CASP10: variants seen among roughly 807,000 people sequenced by gnomAD.
The protein encoded by CASP10 is caspase-10.
A neutral mutation model predicts 48.5 loss-of-function variants in CASP10; 41 were observed. The ratio of observed to expected loss-of-function variants is 0.85; its 90% CI spans 0.66 to 1.10. The LOEUF (loss-of-function observed/expected upper bound fraction) is 1.10. Ranked by LOEUF, CASP10 falls within the 50% of genes least tolerant of loss-of-function variation. The probability of loss-of-function intolerance (pLI) is 0.00; values close to 1 mark genes in which losing one functional copy is unlikely to be tolerated. For missense variants in CASP10, 614 were observed against 614.5 expected, an observed-to-expected ratio of 1.00 and a Z score of 0.01; for synonymous variants, 232 against 238.4, an observed-to-expected ratio of 0.97 and a Z score of 0.25.
intron 3 of CASP10, among the ~76,000 whole-genome samples, chr2:201,192,012 A>G (rs1944628839): frequency 6.6e-6 from 1 of 152,246 alleles, no homozygotes; most frequent in South Asian, 2.1e-4. Flanking sequence ...TAAACATCTA[A>G]TAAACTTTTA....
chr2:201,206,458 A>G (rs1370710909), intron 7 of CASP10, among the ~76,000 whole-genome samples: 1 of 150,332 alleles, frequency 6.7e-6, no homozygotes, highest in Non-Finnish European at 1.5e-5. Context: ...TATATATTGA[A>G]TTTTAAAAAT....
intron 9 of CASP10, chr2:201,228,813 A>C (rs1336957305): frequency 8.9e-6 from 7 of 789,910 alleles, no homozygotes; most frequent in Non-Finnish European, 1.5e-5. Flanking sequence ...TCATTCTGCC[A>C]GGAATTGAAA....
In CASP10 at chr2:201,219,151, TC is replaced by T; in HGVS notation, c.*1413del. 1 of 223,970 alleles carries T rather than the reference TC, an allele frequency of 4.5e-6. No individual in the cohort carries two copies. The highest frequency in any genetic ancestry group is 7.5e-6 in the Non-Finnish European group (1 of 133,848). The allele number at this position is 223,970 out of a possible 1,614,324, so 13.9% of individuals were successfully genotyped here. On this transcript the variant is annotated 3_prime_UTR_variant, in exon 10 of 10. Coordinates refer to ENST00000286186, the MANE Select transcript of CASP10 (RefSeq NM_032977.4). ...CAGGTGTGGCGGCGAGCACCTGTAA[TC>T]CCAGCTACTCGGGAGGCTGAGACAG...
chr2:201,190,555 G>T (rs1260414549), intron 3 of CASP10, among the ~76,000 whole-genome samples: 1 of 152,026 alleles, frequency 6.6e-6, no homozygotes, highest in African/African-American at 2.4e-5. Flanking sequence ...GCTCCAGGTG[G>T]TTTTCATAAC....
chr2:201,209,170 C>A lies in CASP10; in HGVS notation c.1023C>A (p.Cys341Ter), dbSNP rs114098515. 5 of 1,612,186 alleles carry A rather than the reference C, an allele frequency of 3.1e-6. No individual in the cohort carries two copies. The highest frequency in any genetic ancestry group is 4.2e-6 in the Non-Finnish European group (5 of 1,178,894). ...AGATGGTCCTGCAGAAGCAGAAGTG[C>A]AATCCAGCCCATGCCGACGGGGACT... ...EMEMVLQKQK[C>*]NPAHADGDCF... Residue 341 changes from cysteine to a stop codon, truncating the protein, a stop_gained, in exon 9 of 10, where the codon TGC becomes TGA. Transcript: ENST00000286186. LOFTEE classifies it high-confidence loss of function.
intron 5 of CASP10, among the ~76,000 whole-genome samples, chr2:201,198,016 T>C (rs1288891315): frequency 6.6e-6 from 1 of 152,188 alleles, no homozygotes; most frequent in African/African-American, 2.4e-5. Context: ...CCAAGACGTA[T>C]TATTCTCTTT....
intron 9 of CASP10, among the ~76,000 whole-genome samples, chr2:201,209,888 C>T (rs1366656218): frequency 1.3e-5 from 2 of 152,172 alleles, no homozygotes; most frequent in African/African-American, 4.8e-5. Context: ...CCTCAGGTTG[C>T]TTACAAGCTA....
intron 4 of CASP10, among the ~76,000 whole-genome samples, chr2:201,194,089 G>T (rs937623704): frequency 3.1e-5 from 1 of 32,418 alleles, no homozygotes; most frequent in Non-Finnish European, 7.4e-5. Flanking sequence ...TTATTTTCTT[G>T]TGTGTGTGTG....
chr2:201,224,482 G>T (rs765967530), downstream of CASP10, among the ~76,000 whole-genome samples: 1 of 152,070 alleles, frequency 6.6e-6, no homozygotes, highest in Non-Finnish European at 1.5e-5. Flanking sequence ...AAGTAATTTT[G>T]AGTAGGTAAT....
At position 201,217,711 on chromosome 2, in the gene CASP10, C is replaced by A; in HGVS notation, c.1539C>A (p.Phe513Leu). The A allele has an allele frequency of 6.2e-7, 1 of 1,613,978 alleles. No homozygotes were observed. Among genetic ancestry groups the A allele is most frequent in the Non-Finnish European group, 8.5e-7 (1 of 1,179,882 alleles). Residue 513 changes from phenylalanine (F) to leucine (L), a missense_variant, in exon 10 of 10, where the codon TTC (phenylalanine) becomes TTA (leucine). Physicochemically the swap from Phe to Leu is conservative, Grantham distance 22 (BLOSUM62 0). Transcript: ENST00000286186. ...PAFTLRKKLVFPVPLDALSL is the reference protein window; with the variant it reads ...PAFTLRKKLVLPVPLDALSL ...TCACACTAAGGAAAAAACTAGTATT[C>A]CCTGTGCCCCTGGATGCACTTTCAT...
chr2:201,186,132 C>CG lies in CASP10; in HGVS notation c.347+11dup. ...AAGGGTTTCTCTGTTTAGGTGAGGA[C>CG]GGGTCTGTGGTGGAGATGGGAGGAT... On this transcript the variant is annotated intron_variant, in intron 2 of 9. Transcript: ENST00000286186. 6.2e-7 allele frequency: 1 copy of CG among 1,603,644 alleles called. No homozygotes were observed. The highest frequency in any genetic ancestry group is 8.5e-7 in the Non-Finnish European group (1 of 1,172,690).
intron 4 of CASP10, among the ~76,000 whole-genome samples, chr2:201,194,784 A>G (rs1944731439): frequency 6.6e-6 from 1 of 151,816 alleles, no homozygotes; most frequent in Admixed American, 6.6e-5. Flanking sequence ...TGTTTTTTTT[A>G]TTTTTATTTT....
At chr2:201,224,959 C>T (rs145518562), downstream of CASP10, among the ~76,000 whole-genome samples, 31 of 152,052 alleles carry the variant, frequency 2.0e-4, no homozygotes, top group East Asian at 1.5e-3. Flanking sequence ...CAGATTTTTC[C>T]CCACCCTTTT....
chr2:201,206,740 T>C (rs1171482583), intron 7 of CASP10, among the ~76,000 whole-genome samples: 4 of 151,750 alleles, frequency 2.6e-5, no homozygotes, highest in African/African-American at 9.7e-5. Context: ...CCATGCCAGC[T>C]TGTATATTAT....
At position 201,220,887 on chromosome 2, in the gene CASP10, G is replaced by C. The variant is rs1021533457; in HGVS notation, c.*3146G>C. On this transcript the variant is annotated 3_prime_UTR_variant, in exon 10 of 10. Coordinates refer to ENST00000286186, the MANE Select transcript of CASP10 (RefSeq NM_032977.4). ...CTGAGGAAAGAGCAAAGGATCTGGA[G>C]ATCAAAGCCCTGCATTTCCATTTTG... 1.0e-5 allele frequency: 10 copies of C among 985,344 alleles called. No homozygotes were observed. In the African/African-American group the frequency reaches 1.4e-4, roughly 14 times the overall value. 61.0% of individuals were successfully genotyped at this position (985,344 alleles called of 1,614,324 possible). A position where few individuals can be genotyped will look rare whatever the true frequency, so the allele number is the denominator to read the frequency against.
At chr2:201,228,491 G>A (rs911378833) in intron 9 of CASP10, among the ~76,000 whole-genome samples, 1 of 152,200 alleles carries the variant, frequency 6.6e-6, no homozygotes, top group African/African-American at 2.4e-5. Flanking sequence ...TTGGCCTGGG[G>A]CTTCTTGCTG....
At chr2:201,222,798 A>G (rs1194743402), downstream of CASP10, among the ~76,000 whole-genome samples, 1 of 152,188 alleles carries the variant, frequency 6.6e-6, no homozygotes. Context: ...GTATAACACA[A>G]TGGTTAAGGT....
Position 201,217,875 on chromosome 2 carries a change from C to G in CASP10, c.*134C>G. On this transcript the variant is annotated 3_prime_UTR_variant, in exon 10 of 10. Transcript: ENST00000286186. ...GAAACACCGTGTTTTCTGACACAGTCAATTCTGATTTTCTTTTTCTTTTGC... is the reference window on the plus strand; with the variant it reads ...GAAACACCGTGTTTTCTGACACAGTGAATTCTGATTTTCTTTTTCTTTTGC... The G allele has an allele frequency of 1.9e-6, 3 of 1,579,594 alleles. No individual in the cohort carries two copies. The highest frequency in any genetic ancestry group is 8.6e-7 in the Non-Finnish European group (1 of 1,166,084).
At chr2:201,213,251 A>G (rs1299806450) in intron 9 of CASP10, 1 of 152,202 alleles carries the variant, frequency 6.6e-6, no homozygotes, top group African/African-American at 2.4e-5. Context: ...CTATTATTAG[A>G]CCACAATCTA....
Sources: allele counts gnomAD v4.1 joint callset (sites outside exome capture counted in the v4.1 genomes callset), GRCh38; gene constraint gnomAD v4.1.1; transcripts MANE v1.5; gene names NCBI Gene and HGNC (gene_info 2026-07-23, HGNC 2026-07-21).